Variants in GPC6 observed in about 807,000 individuals in gnomAD.
The protein encoded by GPC6 is glypican 6, also known as glypican-6.
In GPC6, 14 loss-of-function variants were observed where a neutral mutation model predicts 55.2. That is an observed-to-expected ratio of 0.25 (90% CI 0.17 to 0.40). GPC6 has a LOEUF of 0.40. GPC6 is among the 10% of genes least tolerant of loss of function. The pLI is 1.00. For missense variants in GPC6, 641 were observed against 708.5 expected (o/e 0.90, Z 1.08); for synonymous variants, 278 against 259.6 (o/e 1.07, Z -0.68).
At chr13:93,457,174 T>G (rs1018645107) in intron 1 of GPC6, among the ~76,000 whole-genome samples, 6 of 152,188 alleles carry the variant, frequency 3.9e-5, no homozygotes, top group Non-Finnish European at 7.3e-5. Context: ...AGGTATGTCT[T>G]CATTAGTAGC....
chr13:93,236,136 G>A (rs769946839), intron 1 of GPC6, among the ~76,000 whole-genome samples: 1 of 152,206 alleles, frequency 6.6e-6, no homozygotes, highest in Non-Finnish European at 1.5e-5. Flanking sequence ...GTACCTAGAA[G>A]GGAAGGCAAA....
chr13:93,747,104 A>G (rs1884423442), intron 2 of GPC6, among the ~76,000 whole-genome samples: 1 of 152,232 alleles, frequency 6.6e-6, no homozygotes, highest in Non-Finnish European at 1.5e-5. Flanking sequence ...TTGAGGCTGA[A>G]GAGTTTTCCA....
chr13:93,623,498 G>A (rs1224804859), intron 2 of GPC6, among the ~76,000 whole-genome samples: 3 of 119,822 alleles, frequency 2.5e-5, no homozygotes, highest in Admixed American at 1.2e-4. Context: ...TCGCTCTCTC[G>A]CCCAGGCTGG....
intron 2 of GPC6, among the ~76,000 whole-genome samples, chr13:93,818,249 C>T (rs1279486339): frequency 6.6e-6 from 1 of 151,666 alleles, no homozygotes; most frequent in Non-Finnish European, 1.5e-5. Flanking sequence ...CTTATTTAGA[C>T]ATCTGTGGAA....
At chr13:94,186,060 CA>C (rs3043529) in intron 4 of GPC6, among the ~76,000 whole-genome samples, 1 of 87,222 alleles carries the variant, frequency 1.1e-5, no homozygotes, top group Non-Finnish European at 2.3e-5. Flanking sequence ...ACTCCGTCTC[CA>C]AAAAAAAAAA....
At chr13:94,306,620 AGTTGG>A (rs1566657095) in intron 6 of GPC6, among the ~76,000 whole-genome samples, 1 of 152,220 alleles carries the variant, frequency 6.6e-6, no homozygotes, top group African/African-American at 2.4e-5. Context: ...GTCTTTAAAA[AGTTGG>A]AATCCTTAGA....
At chr13:94,105,484 A>G (rs1886020966) in intron 4 of GPC6, among the ~76,000 whole-genome samples, 1 of 152,226 alleles carries the variant, frequency 6.6e-6, no homozygotes, top group Non-Finnish European at 1.5e-5. Flanking sequence ...TTTCAGGCAA[A>G]TGGAGAATTA....
chr13:93,577,275 G>C (rs1026357620), intron 2 of GPC6, among the ~76,000 whole-genome samples: 9 of 152,100 alleles, frequency 5.9e-5, no homozygotes, highest in African/African-American at 2.2e-4. Context: ...CTGACACAAA[G>C]GGAAGTGTGG....
At chr13:94,242,233 A>G (rs1374928004) in intron 4 of GPC6, among the ~76,000 whole-genome samples, 1 of 152,036 alleles carries the variant, frequency 6.6e-6, no homozygotes, top group East Asian at 1.9e-4. Flanking sequence ...CCATGTCCCT[A>G]CAAAGGACAT....
intron 6 of GPC6, among the ~76,000 whole-genome samples, chr13:94,352,971 A>C (rs1878625249): frequency 6.6e-6 from 1 of 152,126 alleles, no homozygotes; most frequent in Non-Finnish European, 1.5e-5. Flanking sequence ...GCTAAGGAAA[A>C]CACAAGTGCT....
intron 4 of GPC6, among the ~76,000 whole-genome samples, chr13:94,275,240 C>T (rs987623146): frequency 1.3e-5 from 2 of 151,964 alleles, no homozygotes; most frequent in African/African-American, 2.4e-5. Flanking sequence ...GGAACAATAA[C>T]AAATATACAT....
chr13:93,309,946 T>A (rs1879009004), intron 1 of GPC6, among the ~76,000 whole-genome samples: 1 of 152,214 alleles, frequency 6.6e-6, no homozygotes, highest in Non-Finnish European at 1.5e-5. Flanking sequence ...GATGATTAAC[T>A]ACGTGGTCAC....
chr13:93,478,127 A>G (rs1003847915), intron 1 of GPC6, among the ~76,000 whole-genome samples: 1 of 152,158 alleles, frequency 6.6e-6, no homozygotes, highest in Non-Finnish European at 1.5e-5. Flanking sequence ...TTCTCTCTTT[A>G]GAAAATTCAG....
intron 1 of GPC6, among the ~76,000 whole-genome samples, chr13:93,482,250 A>G (rs1022983953): frequency 2.6e-5 from 4 of 152,086 alleles, no homozygotes; most frequent in African/African-American, 9.7e-5. Context: ...TGCTAAACTC[A>G]TTTATTAATT....
intron 6 of GPC6, among the ~76,000 whole-genome samples, chr13:94,378,328 A>T (rs571613756): frequency 2.0e-5 from 3 of 152,222 alleles, no homozygotes; most frequent in African/African-American, 7.2e-5. Context: ...ACTTGATGGG[A>T]TTCAGGTGAA....
intron 3 of GPC6, among the ~76,000 whole-genome samples, chr13:93,929,769 A>G (rs1383750399): frequency 6.6e-6 from 1 of 152,054 alleles, no homozygotes; most frequent in African/African-American, 2.4e-5. Context: ...ATTAATTTAA[A>G]TAATGTATTT....
At chr13:93,539,757 C>A (rs1882213923) in intron 1 of GPC6, among the ~76,000 whole-genome samples, 1 of 150,046 alleles carries the variant, frequency 6.7e-6, no homozygotes, top group South Asian at 2.1e-4. Flanking sequence ...AATGACGTGA[C>A]CTCAGCTCAC....
chr13:93,554,038 C>T (rs1372178175), intron 2 of GPC6, among the ~76,000 whole-genome samples: 2 of 151,126 alleles, frequency 1.3e-5, no homozygotes, highest in Non-Finnish European at 2.9e-5. Flanking sequence ...ATCCCAGCTA[C>T]TCAGGAGGCT....
intron 6 of GPC6, among the ~76,000 whole-genome samples, chr13:94,372,684 T>C (rs534418925): frequency 2.0e-5 from 3 of 149,970 alleles, no homozygotes; most frequent in Non-Finnish European, 4.4e-5. Flanking sequence ...CAAAGCAGCC[T>C]GGAAGCTCGA....
Sources: gnomAD v4.1 joint callset for allele counts (sites outside exome capture counted in the v4.1 genomes callset) on GRCh38, gnomAD v4.1.1 for gene constraint, MANE v1.5 for transcripts, NCBI Gene and HGNC (gene_info 2026-07-23, HGNC 2026-07-21) for gene names.